The following PHACTR1 variants were observed in gnomAD, a reference collection of about 807,000 sequenced individuals.
The protein encoded by PHACTR1 is phosphatase and actin regulator 1, also known as RPEL repeat containing 1.
PHACTR1 carries 16 observed loss-of-function variants against 69.2 expected under a neutral mutation model. That is an observed-to-expected ratio of 0.23 (90% CI 0.16 to 0.35). The LOEUF (loss-of-function observed/expected upper bound fraction) is 0.35. Ranked by LOEUF, PHACTR1 falls within the 10% of genes least tolerant of loss-of-function variation. PHACTR1 has a pLI of 1.00. For synonymous variants in PHACTR1, 312 were observed against 284.5 expected (o/e 1.10, Z -0.97); for missense variants, 510 against 734.7 (o/e 0.69, Z 3.54).
chr6:12,769,607 A>G (rs1305536572), intron 4 of PHACTR1, among the ~76,000 whole-genome samples: 3 of 152,242 alleles, frequency 2.0e-5, no homozygotes, highest in African/African-American at 7.2e-5. Flanking sequence ...ATGATAAGGC[A>G]ATATGAGTAA....
At chr6:13,167,937 C>A (rs945103702) in intron 6 of PHACTR1, among the ~76,000 whole-genome samples, 1 of 152,192 alleles carries the variant, frequency 6.6e-6, no homozygotes, top group African/African-American at 2.4e-5. Flanking sequence ...AATAAAACTT[C>A]TTCTCTGTAT....
intron 5 of PHACTR1, among the ~76,000 whole-genome samples, chr6:13,105,392 G>A (rs1006553471): frequency 2.0e-5 from 3 of 151,510 alleles, no homozygotes; most frequent in African/African-American, 4.9e-5. Context: ...CGTGTGTGTC[G>A]GGGGCGGGGT....
In PHACTR1 at chr6:12,858,744, TATG is replaced by T. The variant is rs1780650908; in HGVS notation, c.250+108957_250+108959del. 3.3e-5 allele frequency among the ~76,000 whole-genome samples: 5 copies of T among 152,128 alleles called. No homozygotes were observed. In the South Asian group the frequency reaches 1.0e-3, roughly 32 times the overall value. On this transcript the variant is annotated intron_variant, in intron 4 of 14. Coordinates refer to ENST00000332995, the MANE Select transcript of PHACTR1 (RefSeq NM_030948.6). ...CCAAGAGTTTCAGTATGCAGTGAGTTATGATCATGCCACTGTACTCGACTGCTT... is the reference window on the plus strand; with the variant it reads ...CCAAGAGTTTCAGTATGCAGTGAGTTATCATGCCACTGTACTCGACTGCTT...
chr6:12,777,239 A>ATT (rs1330145058), intron 4 of PHACTR1, among the ~76,000 whole-genome samples: 10 of 107,510 alleles, frequency 9.3e-5, no homozygotes, highest in South Asian at 2.6e-4. Context: ...ATATATATAT[A>ATT]TATTTTTTTA....
At chr6:12,955,331 T>C (rs1173920428) in intron 4 of PHACTR1, among the ~76,000 whole-genome samples, 1 of 151,602 alleles carries the variant, frequency 6.6e-6, no homozygotes, top group Non-Finnish European at 1.5e-5. Context: ...CCCCAGTAGC[T>C]GGAATTACAG....
At chr6:13,237,512 T>C (rs1772178456) in intron 10 of PHACTR1, among the ~76,000 whole-genome samples, 2 of 152,208 alleles carry the variant, frequency 1.3e-5, no homozygotes, top group South Asian at 4.1e-4. Flanking sequence ...AGTATATTCA[T>C]GAAGTCTGTG....
intron 4 of PHACTR1, among the ~76,000 whole-genome samples, chr6:12,897,594 A>G (rs2127476955): frequency 6.6e-6 from 1 of 152,070 alleles, no homozygotes; most frequent in Non-Finnish European, 1.5e-5. Flanking sequence ...TCTTTTATTT[A>G]TATCCTCAAT....
chr6:12,892,487 A>G (rs1253974292), intron 4 of PHACTR1, among the ~76,000 whole-genome samples: 1 of 152,238 alleles, frequency 6.6e-6, no homozygotes, highest in Non-Finnish European at 1.5e-5. Flanking sequence ...ATAGCTAGTT[A>G]GAGTTTTTGC....
At chr6:12,884,383 T>G (rs1338724451) in intron 4 of PHACTR1, among the ~76,000 whole-genome samples, 2 of 152,054 alleles carry the variant, frequency 1.3e-5, no homozygotes, top group Non-Finnish European at 2.9e-5. Flanking sequence ...TCCAGACAAG[T>G]ACATAATTGG....
intron 4 of PHACTR1, among the ~76,000 whole-genome samples, chr6:12,809,171 A>G (rs1161948207): frequency 6.6e-6 from 1 of 152,140 alleles, no homozygotes; most frequent in Non-Finnish European, 1.5e-5. Context: ...TACAGGAGTA[A>G]GCCACCATGC....
At chr6:13,190,200 T>A (rs1763365847) in intron 7 of PHACTR1, among the ~76,000 whole-genome samples, 1 of 133,402 alleles carries the variant, frequency 7.5e-6, no homozygotes, top group Non-Finnish European at 1.6e-5. Context: ...ATTTTTGTAT[T>A]TTTTTTTTTT....
chr6:13,049,116 T>A (rs1805546642), intron 4 of PHACTR1, among the ~76,000 whole-genome samples: 1 of 152,262 alleles, frequency 6.6e-6, no homozygotes, highest in East Asian at 1.9e-4. Context: ...TAATACCCTG[T>A]GTTCCTTGCC....
chr6:13,088,005 C>T (rs770393735), intron 5 of PHACTR1, among the ~76,000 whole-genome samples: 2 of 151,814 alleles, frequency 1.3e-5, no homozygotes, highest in South Asian at 2.1e-4. Context: ...TATTGAAGGG[C>T]GAAACACTAG....
At position 12,759,122 on chromosome 6, in the gene PHACTR1, C is replaced by CAAA. The variant is rs1229879368; in HGVS notation, c.250+9353_250+9355dup. On this transcript the variant is annotated intron_variant, in intron 4 of 14. Transcript: ENST00000332995. ...TGGGTGAAGAAGCAAGACTCCACCT[C>CAAA]AAAAAAAAAAAAAAAAAAAAAAAGA... Among the ~76,000 whole-genome samples the CAAA allele has an allele frequency of 4.5e-3, 230 of 51,108 alleles. 1 individual carries two copies. The highest frequency in any genetic ancestry group is 0.01 in the Middle Eastern group (1 of 98). 33.5% of individuals were successfully genotyped at this position (51,108 alleles called of 152,430 possible).
At chr6:13,105,241 T>C (rs924296542) in intron 5 of PHACTR1, among the ~76,000 whole-genome samples, 4 of 152,278 alleles carry the variant, frequency 2.6e-5, no homozygotes, top group African/African-American at 9.6e-5. Flanking sequence ...TAGCCGAGCA[T>C]GGTGATGCAC....
intron 4 of PHACTR1, among the ~76,000 whole-genome samples, chr6:13,022,115 A>C (rs977968063): frequency 6.6e-5 from 10 of 152,242 alleles, no homozygotes; most frequent in Admixed American, 2.6e-4. Flanking sequence ...TGGCCAATTA[A>C]GTTTAACTTC....
intron 5 of PHACTR1, among the ~76,000 whole-genome samples, chr6:13,094,883 C>G: frequency 6.6e-6 from 1 of 152,182 alleles, no homozygotes; most frequent in Middle Eastern, 3.2e-3. Flanking sequence ...TGTCTTCCCA[C>G]AAATTCATAC....
At chr6:12,717,002 T>G (rs1289429819) in intron 1 of PHACTR1, 106 bp downstream of exon 1, 1 of 152,120 alleles carries the variant, frequency 6.6e-6, no homozygotes, top group Non-Finnish European at 1.5e-5. Flanking sequence ...TCCCACAAAA[T>G]CTATGCTATA....
At chr6:13,198,366 G>A (rs1219993984) in intron 7 of PHACTR1, among the ~76,000 whole-genome samples, 1 of 152,150 alleles carries the variant, frequency 6.6e-6, no homozygotes, top group South Asian at 2.1e-4. Context: ...CGGGATGATG[G>A]GCTTCCTAAA....
Sources: allele counts gnomAD v4.1 joint callset (sites outside exome capture counted in the v4.1 genomes callset), GRCh38; gene constraint gnomAD v4.1.1; transcripts MANE v1.5; gene names NCBI Gene and HGNC (gene_info 2026-07-23, HGNC 2026-07-21).